CSMD1: variants seen among roughly 807,000 people sequenced by gnomAD.
CSMD1 encodes the protein CUB and Sushi multiple domains 1.
CSMD1 carries 213 observed loss-of-function variants against 417.5 expected under a neutral mutation model. That is an observed-to-expected ratio of 0.51 (90% CI 0.46 to 0.57). The LOEUF (loss-of-function observed/expected upper bound fraction) is 0.57, where lower values mean the gene tolerates loss of function less well. Ranked by LOEUF, CSMD1 falls within the 20% of genes least tolerant of loss-of-function variation. The probability of loss-of-function intolerance (pLI) is 0.00; values close to 1 mark genes in which losing one functional copy is unlikely to be tolerated. For synonymous variants in CSMD1, 2,862 were observed against 1,736.8 expected (o/e 1.65, Z -16.11); for missense variants, 6,923 against 4,529.7 (o/e 1.53, Z -15.17).
At chr8:4,875,618 T>C (rs1246346113) in intron 1 of CSMD1, among the ~76,000 whole-genome samples, 2 of 152,032 alleles carry the variant, frequency 1.3e-5, no homozygotes, top group Non-Finnish European at 2.9e-5. Flanking sequence ...CTTGAGTTGT[T>C]TGCAATAGGA....
intron 1 of CSMD1, among the ~76,000 whole-genome samples, chr8:4,657,466 C>T (rs766536330): frequency 1.3e-5 from 2 of 152,090 alleles, no homozygotes; most frequent in Admixed American, 1.3e-4. Context: ...TCATGGAAAT[C>T]TCTGTCAAAA....
At chr8:4,000,115 T>A (rs1247609900) in intron 4 of CSMD1, among the ~76,000 whole-genome samples, 1 of 152,220 alleles carries the variant, frequency 6.6e-6, no homozygotes, top group African/African-American at 2.4e-5. Context: ...CCGCCCTCCG[T>A]GGGCACCACT....
At chr8:3,730,340 C>A (rs747219444) in intron 6 of CSMD1, among the ~76,000 whole-genome samples, 1 of 150,800 alleles carries the variant, frequency 6.6e-6, no homozygotes, top group Non-Finnish European at 1.5e-5. Context: ...GATGCATTCT[C>A]CTCATGCTCC....
chr8:3,116,839 A>G (rs1248513524), intron 42 of CSMD1, among the ~76,000 whole-genome samples: 1 of 152,144 alleles, frequency 6.6e-6, no homozygotes, highest in African/African-American at 2.4e-5. Context: ...AAGAGGTTTC[A>G]ATCCTGATAA....
At chr8:3,649,015 C>A (rs1026601536) in intron 7 of CSMD1, among the ~76,000 whole-genome samples, 1 of 152,150 alleles carries the variant, frequency 6.6e-6, no homozygotes, top group South Asian at 2.1e-4. Context: ...AAGGTATGTA[C>A]TGTCCAAGGT....
chr8:3,021,846 C>A (rs1444632521), intron 51 of CSMD1, among the ~76,000 whole-genome samples: 4 of 149,124 alleles, frequency 2.7e-5, no homozygotes, highest in African/African-American at 2.5e-5. Context: ...CCTGCAATCC[C>A]ACAGCATCCG....
intron 3 of CSMD1, among the ~76,000 whole-genome samples, chr8:4,099,315 G>A (rs1413874624): frequency 2.0e-5 from 3 of 151,752 alleles, no homozygotes; most frequent in African/African-American, 2.4e-5. Flanking sequence ...TTACATGAAG[G>A]AGCTATACTC....
At chr8:4,043,327 A>G (rs1370694526) in intron 3 of CSMD1, among the ~76,000 whole-genome samples, 1 of 152,188 alleles carries the variant, frequency 6.6e-6, no homozygotes, top group Non-Finnish European at 1.5e-5. Context: ...AGAGGAAAAA[A>G]GAAAATGAAT....
At chr8:4,763,325 T>A (rs1676963) in intron 1 of CSMD1, among the ~76,000 whole-genome samples, 113,197 of 152,052 alleles carry the variant, frequency 0.74, 42,480 homozygotes, top group African/African-American at 0.81. Context: ...AATGATCTCA[T>A]CCCCAATTAT....
At chr8:3,454,018 T>C (rs970620058) in intron 12 of CSMD1, among the ~76,000 whole-genome samples, 2 of 152,208 alleles carry the variant, frequency 1.3e-5, no homozygotes, top group Admixed American at 6.5e-5. Context: ...CATATATATT[T>C]AGGATAGTTA....
At chr8:4,103,999 C>T (rs567991863) in intron 3 of CSMD1, among the ~76,000 whole-genome samples, 1 of 152,228 alleles carries the variant, frequency 6.6e-6, no homozygotes, top group Non-Finnish European at 1.5e-5. Flanking sequence ...AGTGCCCCAG[C>T]TGCACACCTG....
intron 12 of CSMD1, among the ~76,000 whole-genome samples, chr8:3,415,020 C>G (rs899326677): frequency 6.6e-6 from 1 of 152,172 alleles, no homozygotes; most frequent in Non-Finnish European, 1.5e-5. Flanking sequence ...AAATCTGTAG[C>G]ACCTGTTCAG....
intron 18 of CSMD1, among the ~76,000 whole-genome samples, chr8:3,371,943 T>C (rs1322670293): frequency 1.3e-5 from 2 of 152,234 alleles, no homozygotes; most frequent in Non-Finnish European, 2.9e-5. Flanking sequence ...GCACCTGCTA[T>C]TGAGCAAGCT....
At chr8:2,980,300 G>C (rs911276020) in intron 54 of CSMD1, among the ~76,000 whole-genome samples, 3 of 151,914 alleles carry the variant, frequency 2.0e-5, no homozygotes, top group East Asian at 1.9e-4. Context: ...GCCAGATTGA[G>C]CTGATGCCAC....
At chr8:4,359,535 T>C (rs899008792) in intron 3 of CSMD1, among the ~76,000 whole-genome samples, 7 of 152,228 alleles carry the variant, frequency 4.6e-5, no homozygotes, top group African/African-American at 1.7e-4. Flanking sequence ...AGATGTCTCC[T>C]TCCAATCCTC....
In CSMD1 at chr8:4,864,982, A is replaced by G. The variant is rs147357268; in HGVS notation, c.85+129350T>C. ...TTAAATATTATAATATTATTATATA[A>G]TTTGAAAATTTAGTCTGATTTTTTA... On this transcript the variant is annotated intron_variant, in intron 1 of 69. Coordinates refer to ENST00000635120, the MANE Select transcript of CSMD1 (RefSeq NM_033225.6). Among the ~76,000 whole-genome samples the G allele has an allele frequency of 7.5e-3, 1,132 of 151,228 alleles. 13 individuals carry two copies. The highest frequency in any genetic ancestry group is 0.013 in the Non-Finnish European group (867 of 67,632).
At chr8:4,532,045 C>A (rs1796845220) in intron 2 of CSMD1, among the ~76,000 whole-genome samples, 1 of 142,716 alleles carries the variant, frequency 7.0e-6, no homozygotes, top group African/African-American at 2.5e-5. Flanking sequence ...CCCATTCAGT[C>A]ACTCCGGAAA....
At chr8:3,501,259 C>G (rs1796588150) in intron 10 of CSMD1, among the ~76,000 whole-genome samples, 1 of 152,056 alleles carries the variant, frequency 6.6e-6, no homozygotes, top group Non-Finnish European at 1.5e-5. Flanking sequence ...CACACACAGG[C>G]ACAGAAACAC....
chr8:3,282,602 A>C (rs994775220), intron 26 of CSMD1, among the ~76,000 whole-genome samples: 1 of 152,176 alleles, frequency 6.6e-6, no homozygotes, highest in African/African-American at 2.4e-5. Context: ...CCCCCAAGGC[A>C]GGATAGTTGG....
Sources: allele counts gnomAD v4.1 joint callset (sites outside exome capture counted in the v4.1 genomes callset), GRCh38; gene constraint gnomAD v4.1.1; transcripts MANE v1.5; gene names NCBI Gene and HGNC (gene_info 2026-07-23, HGNC 2026-07-21).